Variants in PIGK observed in about 807,000 individuals in gnomAD.
PIGK encodes the protein GPI-anchor transamidase.
Under a neutral mutation model 50.6 loss-of-function variants are expected in PIGK, and 42 were observed. The observed-to-expected ratio is 0.83, with a 90% CI of 0.65 to 1.07. The LOEUF is 1.07. PIGK is among the 50% of genes least tolerant of loss of function. The probability of loss-of-function intolerance (pLI) is 0.00; values close to 1 mark genes in which losing one functional copy is unlikely to be tolerated. For synonymous variants in PIGK, 151 were observed against 156.0 expected (o/e 0.97, Z 0.24); for missense variants, 448 against 488.7 (o/e 0.92, Z 0.78).
intron 6 of PIGK, among the ~76,000 whole-genome samples, chr1:77,163,355 T>A (rs1208351830): frequency 6.6e-6 from 1 of 152,170 alleles, no homozygotes; most frequent in Non-Finnish European, 1.5e-5. Context: ...TACAGTCATA[T>A]GCATGACAGC....
At chr1:77,169,223 T>C (rs768625638) in intron 4 of PIGK, 37 bp downstream of exon 4, 1 of 1,369,686 alleles carries the variant, frequency 7.3e-7, no homozygotes, top group South Asian at 1.5e-5. Context: ...AAAGTAACAA[T>C]GCCATTTTAA....
chr1:77,179,595 CT>C (rs1310129966), intron 3 of PIGK, among the ~76,000 whole-genome samples: 3 of 151,938 alleles, frequency 2.0e-5, no homozygotes, highest in East Asian at 3.9e-4. Flanking sequence ...CTTCCTTTCC[CT>C]TTTTTTTCTC....
intron 3 of PIGK, among the ~76,000 whole-genome samples, chr1:77,179,724 T>A (rs939430225): frequency 6.6e-6 from 1 of 152,184 alleles, no homozygotes; most frequent in Non-Finnish European, 1.5e-5. Flanking sequence ...AAATTTAATT[T>A]GGCTGAAGTT....
chr1:77,172,299 T>A (rs1655384779), intron 3 of PIGK, among the ~76,000 whole-genome samples: 1 of 152,202 alleles, frequency 6.6e-6, no homozygotes, highest in Non-Finnish European at 1.5e-5. Flanking sequence ...TACTGCCAAG[T>A]GCTCAAACTG....
intron 9 of PIGK, among the ~76,000 whole-genome samples, chr1:77,140,929 G>A (rs1466045355): frequency 6.6e-6 from 1 of 152,088 alleles, no homozygotes; most frequent in Non-Finnish European, 1.5e-5. Flanking sequence ...ATGTCACACT[G>A]TATAGTTCCT....
intron 3 of PIGK, among the ~76,000 whole-genome samples, chr1:77,170,948 C>T (rs1655345389): frequency 6.6e-6 from 1 of 152,188 alleles, no homozygotes; most frequent in African/African-American, 2.4e-5. Flanking sequence ...AGTGTTCCAA[C>T]CCTGTCACGT....
At chr1:77,121,404 T>C (rs936941073) in intron 10 of PIGK, among the ~76,000 whole-genome samples, 6 of 152,198 alleles carry the variant, frequency 3.9e-5, no homozygotes, top group African/African-American at 1.4e-4. Flanking sequence ...ATGAAAAATA[T>C]ATATAGCCAA....
At chr1:77,145,948 G>T (rs1654757428) in intron 9 of PIGK, among the ~76,000 whole-genome samples, 1 of 152,080 alleles carries the variant, frequency 6.6e-6, no homozygotes, top group Non-Finnish European at 1.5e-5. Flanking sequence ...TACAGATGCT[G>T]CTCAACTTAT....
intron 10 of PIGK, among the ~76,000 whole-genome samples, chr1:77,108,669 A>G (rs992162391): frequency 2.0e-5 from 3 of 152,140 alleles, no homozygotes; most frequent in African/African-American, 7.2e-5. Context: ...TCTCCTGGAA[A>G]ATATCCTGCA....
chr1:77,118,765 C>T (rs1654033136), intron 10 of PIGK, among the ~76,000 whole-genome samples: 1 of 152,076 alleles, frequency 6.6e-6, no homozygotes, highest in South Asian at 2.1e-4. Context: ...TCACCTTTAT[C>T]ATTTATATAA....
intron 3 of PIGK, among the ~76,000 whole-genome samples, chr1:77,198,717 A>C (rs1436959859): frequency 6.6e-6 from 1 of 152,008 alleles, no homozygotes; most frequent in Non-Finnish European, 1.5e-5. Flanking sequence ...AAAATTATAA[A>C]ACTTGAATGC....
chr1:77,145,368 AC>A (rs1654745878), intron 9 of PIGK, among the ~76,000 whole-genome samples: 2 of 152,104 alleles, frequency 1.3e-5, no homozygotes, highest in South Asian at 4.1e-4. Flanking sequence ...AATTGGGTTG[AC>A]CCCAAATCAA....
At chr1:77,134,257 A>C (rs2100537806) in intron 9 of PIGK, among the ~76,000 whole-genome samples, 1 of 152,306 alleles carries the variant, frequency 6.6e-6, no homozygotes, top group East Asian at 1.9e-4. Flanking sequence ...CAGAGCTGTC[A>C]CCTCTTACCT....
chr1:77,212,646 G>A (rs1656447005), intron 1 of PIGK, among the ~76,000 whole-genome samples: 1 of 152,102 alleles, frequency 6.6e-6, no homozygotes, highest in Non-Finnish European at 1.5e-5. Flanking sequence ...AAACAAAAGG[G>A]AGCAGGAGTA....
intron 9 of PIGK, among the ~76,000 whole-genome samples, chr1:77,133,382 T>C (rs1654423182): frequency 6.6e-6 from 1 of 152,178 alleles, no homozygotes; most frequent in Non-Finnish European, 1.5e-5. Context: ...CCTTTTCATC[T>C]ATTTTCAAGA....
chr1:77,166,778 G>A lies in PIGK; in HGVS notation c.428C>T (p.Thr143Ile), dbSNP rs1362711894. The A allele has an allele frequency of 1.2e-6, 2 of 1,602,990 alleles. No homozygotes were observed. The highest frequency in any genetic ancestry group is 1.3e-5 in the African/African-American group (1 of 74,470). The change falls in exon 5 of 11, where the codon ACT becomes ATT. Residue 143 changes from threonine (T) to isoleucine (I), a missense_variant. By Grantham distance (89) the Thr-to-Ile change is moderately conservative. Transcript: ENST00000370812. ...RVLTGRIPPS[T>I]PRSKRLLSDD... is the part of the protein sequence containing the mutation. ...AGAAAGAAGACGTTTTGACCGAGGA[G>A]TACTAGGTGGGATCCTCCCAGTTAA... is the stretch of plus-strand genomic sequence containing the variant.
intron 9 of PIGK, among the ~76,000 whole-genome samples, chr1:77,138,211 C>T (rs1238740538): frequency 6.6e-6 from 1 of 152,170 alleles, no homozygotes; most frequent in Non-Finnish European, 1.5e-5. Context: ...CTTAGTTAAT[C>T]AGAAGGAGAC....
chr1:77,097,514 T>C (rs1653443782), intron 10 of PIGK, among the ~76,000 whole-genome samples: 1 of 152,174 alleles, frequency 6.6e-6, no homozygotes, highest in African/African-American at 2.4e-5. Context: ...GTTAATGTAA[T>C]CTAGAAAATT....
chr1:77,201,346 G>A (rs1283894317), intron 3 of PIGK, among the ~76,000 whole-genome samples: 1 of 152,166 alleles, frequency 6.6e-6, no homozygotes, highest in African/African-American at 2.4e-5. Flanking sequence ...ATAAGGTCAA[G>A]GGTGACTTGT....
Sources: allele counts gnomAD v4.1 joint callset (sites outside exome capture counted in the v4.1 genomes callset), GRCh38; gene constraint gnomAD v4.1.1; transcripts MANE v1.5; gene names NCBI Gene and HGNC (gene_info 2026-07-23, HGNC 2026-07-21).